Variants in SMYD3 observed in about 807,000 individuals in gnomAD.
SMYD3 encodes the protein histone-lysine N-methyltransferase SMYD3.
SMYD3 carries 36 observed loss-of-function variants against 57.7 expected under a neutral mutation model. The observed-to-expected ratio is 0.62, with a 90% CI of 0.48 to 0.82. The LOEUF (loss-of-function observed/expected upper bound fraction) is 0.82. SMYD3 is among the 40% of genes least tolerant of loss of function. The pLI is 0.00. For synonymous variants in SMYD3, 211 were observed against 195.0 expected (o/e 1.08, Z -0.68); for missense variants, 515 against 538.8 (o/e 0.96, Z 0.44).
rs370045577 is a variant in SMYD3 at position 246,441,108 on chromosome 1, G to A, written c.164+65946C>T. 1.4e-3 allele frequency among the ~76,000 whole-genome samples: 216 copies of A among 152,210 alleles called. 6 individuals are homozygous for A. In the South Asian group the frequency reaches 0.035, roughly 25 times the overall value. On this transcript the variant is annotated intron_variant, in intron 1 of 11. Transcript: ENST00000490107. ...CTTACCCTGCCGTTCGTAAGTACAC[G>A]CACATTCCAGACACATGAAGAGGAG...
At chr1:246,068,643 A>T (rs1047288173) in intron 5 of SMYD3, among the ~76,000 whole-genome samples, 5 of 152,232 alleles carry the variant, frequency 3.3e-5, no homozygotes, top group Admixed American at 6.5e-5. Flanking sequence ...AAAAAGCATA[A>T]TCAGGTACAT....
At chr1:245,760,650 T>G (rs1010715311) in intron 11 of SMYD3, among the ~76,000 whole-genome samples, 1 of 152,176 alleles carries the variant, frequency 6.6e-6, no homozygotes, top group Non-Finnish European at 1.5e-5. Flanking sequence ...ATTGGGGGCA[T>G]GTGTGTCTAT....
At chr1:246,176,582 G>A (rs931443998) in intron 5 of SMYD3, among the ~76,000 whole-genome samples, 3 of 152,152 alleles carry the variant, frequency 2.0e-5, no homozygotes, top group Admixed American at 6.5e-5. Context: ...ATGCAGTGGC[G>A]CAAGATCACA....
At chr1:246,330,671 A>C in intron 3 of SMYD3, 134 bp from the exon 4 acceptor site, 1 of 592,480 alleles carries the variant, frequency 1.7e-6, no homozygotes, top group Middle Eastern at 3.8e-4. Flanking sequence ...CTTTCTATTC[A>C]TCACTCTCAT....
At chr1:246,445,820 ACCGGAGCTTTG>A (rs1439944636) in intron 1 of SMYD3, among the ~76,000 whole-genome samples, 1 of 151,828 alleles carries the variant, frequency 6.6e-6, no homozygotes, top group Non-Finnish European at 1.5e-5. Flanking sequence ...CTGAAATGGG[ACCGGAGCTTTG>A]CCTTTGAGTG....
chr1:246,328,010 A>G (rs528629350), intron 4 of SMYD3, among the ~76,000 whole-genome samples: 2 of 152,294 alleles, frequency 1.3e-5, no homozygotes, highest in East Asian at 1.9e-4. Context: ...CCTGGCCAAC[A>G]TGGTGGAACC....
intron 5 of SMYD3, among the ~76,000 whole-genome samples, chr1:246,033,408 A>G (rs2059713415): frequency 6.6e-6 from 1 of 152,242 alleles, no homozygotes; most frequent in African/African-American, 2.4e-5. Context: ...GATGTAAGGA[A>G]AGTGAATGTA....
intron 7 of SMYD3, among the ~76,000 whole-genome samples, chr1:245,920,057 T>TA (rs2055754565): frequency 6.6e-6 from 1 of 151,824 alleles, no homozygotes; most frequent in Admixed American, 6.6e-5. Context: ...CTCACGCCTG[T>TA]AATCCCAGCA....
chr1:246,211,894 T>C (rs1476363892), intron 5 of SMYD3, among the ~76,000 whole-genome samples: 2 of 148,496 alleles, frequency 1.3e-5, no homozygotes, highest in East Asian at 2.0e-4. Context: ...TAAAATGTAA[T>C]CCCTGTACAA....
chr1:246,339,951 A>T (rs1311423948), intron 2 of SMYD3, among the ~76,000 whole-genome samples: 2 of 152,196 alleles, frequency 1.3e-5, no homozygotes, highest in Non-Finnish European at 2.9e-5. Context: ...CCAGCCAAAT[A>T]AACTTCTATT....
At chr1:246,481,621 TACATAC>T (rs1572043380) in intron 1 of SMYD3, among the ~76,000 whole-genome samples, 5,964 of 98,556 alleles carry the variant, frequency 0.061, 824 homozygotes, top group African/African-American at 0.21. Flanking sequence ...CATACATATA[TACATAC>T]ATACATACAC....
chr1:246,491,450 G>GA (rs2068269260), intron 1 of SMYD3, among the ~76,000 whole-genome samples: 1 of 151,640 alleles, frequency 6.6e-6, no homozygotes. Context: ...TGAAGCAGGA[G>GA]AATCGCTTGA....
intron 2 of SMYD3, among the ~76,000 whole-genome samples, chr1:246,347,135 C>G (rs1310116333): frequency 6.8e-6 from 1 of 147,136 alleles, no homozygotes; most frequent in Non-Finnish European, 1.5e-5. Flanking sequence ...GAAGCAAAGA[C>G]AAAAAAAGAC....
At chr1:245,959,247 C>T (rs930433147) in intron 5 of SMYD3, among the ~76,000 whole-genome samples, 1 of 152,222 alleles carries the variant, frequency 6.6e-6, no homozygotes, top group African/African-American at 2.4e-5. Context: ...CAGGCATGAG[C>T]CACCATGCCC....
intron 1 of SMYD3, among the ~76,000 whole-genome samples, chr1:246,361,579 G>T (rs2065987217): frequency 6.6e-6 from 1 of 152,170 alleles, no homozygotes; most frequent in Non-Finnish European, 1.5e-5. Flanking sequence ...TAAAGAAAAT[G>T]TGGTATATAT....
intron 11 of SMYD3, among the ~76,000 whole-genome samples, chr1:245,763,592 G>A (rs1191434554): frequency 6.6e-6 from 1 of 152,156 alleles, no homozygotes; most frequent in Admixed American, 6.5e-5. Context: ...AAGGAAGAGA[G>A]GAAGGGCGGG....
chr1:246,117,620 A>ACTCT (rs200473780), intron 5 of SMYD3, among the ~76,000 whole-genome samples: 1 of 151,142 alleles, frequency 6.6e-6, no homozygotes, highest in African/African-American at 2.4e-5. Context: ...GCTCTTGCGC[A>ACTCT]CTCTCTCTCT....
intron 1 of SMYD3, among the ~76,000 whole-genome samples, chr1:246,467,550 G>A (rs1227936061): frequency 2.0e-5 from 3 of 152,044 alleles, no homozygotes; most frequent in Non-Finnish European, 2.9e-5. Context: ...GTAATATTAT[G>A]AACAACTATA....
chr1:245,775,048 G>A lies in SMYD3; in HGVS notation c.1077-10899C>T, dbSNP rs537389200. 4.6e-5 allele frequency among the ~76,000 whole-genome samples: 7 copies of A among 152,058 alleles called. No individual in the cohort carries two copies. In the South Asian group the frequency reaches 1.0e-3, roughly 23 times the overall value. Reference sequence around the variant, plus strand: ...GAGTGCAGTGGCGTGATCTCGGCTGGCTACAACCTCCACCTCCCAGCCGCC... The same window carrying A: ...GAGTGCAGTGGCGTGATCTCGGCTGACTACAACCTCCACCTCCCAGCCGCC... On this transcript the variant is annotated intron_variant, in intron 10 of 11. Transcript: ENST00000490107.
Sources: gnomAD v4.1 joint callset for allele counts (sites outside exome capture counted in the v4.1 genomes callset) on GRCh38, gnomAD v4.1.1 for gene constraint, MANE v1.5 for transcripts, NCBI Gene and HGNC (gene_info 2026-07-23, HGNC 2026-07-21) for gene names.